The following EYS variants were observed in gnomAD, a reference collection of about 807,000 sequenced individuals.
EYS encodes the protein EGF-like photoreceptor maintenance factor.
EYS carries 250 observed loss-of-function variants against 282.1 expected under a neutral mutation model. The observed-to-expected ratio is 0.89, with a 90% confidence interval of 0.80 to 0.98. EYS has a LOEUF of 0.98. Ranked by LOEUF, EYS falls within the 50% of genes least tolerant of loss-of-function variation. The pLI is 0.00. For missense variants in EYS, 4,016 were observed against 3,709.0 expected (o/e 1.08, Z -2.15); for synonymous variants, 1,355 against 1,282.9 (o/e 1.06, Z -1.20).
intron 19 of EYS, among the ~76,000 whole-genome samples, chr6:64,834,345 T>C (rs1195992072): frequency 6.6e-6 from 1 of 151,902 alleles, no homozygotes; most frequent in African/African-American, 2.4e-5. Flanking sequence ...AGCTTCATAG[T>C]AAATTCATTT....
intron 13 of EYS, among the ~76,000 whole-genome samples, chr6:65,041,194 G>C (rs944510178): frequency 2.0e-5 from 3 of 151,672 alleles, no homozygotes; most frequent in Non-Finnish European, 4.4e-5. Flanking sequence ...AAGGAGAGAA[G>C]AAGAAAGGTA....
At chr6:64,428,941 G>C (rs1383458887) in intron 28 of EYS, among the ~76,000 whole-genome samples, 1 of 151,932 alleles carries the variant, frequency 6.6e-6, no homozygotes, top group Non-Finnish European at 1.5e-5. Flanking sequence ...GCTTCTTTTG[G>C]TAACATCTGC....
At chr6:65,370,020 A>G (rs1008373882) in intron 8 of EYS, among the ~76,000 whole-genome samples, 1 of 151,662 alleles carries the variant, frequency 6.6e-6, no homozygotes, top group African/African-American at 2.4e-5. Context: ...ATCAGAAGAT[A>G]TCTTTCACAG....
At chr6:64,790,018 C>CCTT (rs1308007918) in intron 22 of EYS, among the ~76,000 whole-genome samples, 2 of 151,656 alleles carry the variant, frequency 1.3e-5, no homozygotes, top group Admixed American at 6.6e-5. Context: ...ACAAATAAAT[C>CCTT]CTTATAAAAA....
At chr6:65,623,885 T>C (rs1311643456) in intron 2 of EYS, among the ~76,000 whole-genome samples, 3 of 152,190 alleles carry the variant, frequency 2.0e-5, no homozygotes, top group Non-Finnish European at 2.9e-5. Flanking sequence ...CTCACCTTTC[T>C]TGAACATAGG....
At chr6:65,352,896 C>T (rs1023477187) in intron 9 of EYS, among the ~76,000 whole-genome samples, 13 of 151,828 alleles carry the variant, frequency 8.6e-5, no homozygotes, top group Non-Finnish European at 1.6e-4. Flanking sequence ...TCAAAGAAGC[C>T]ATTTCTTCTA....
chr6:64,935,256 T>C (rs113576783), intron 15 of EYS, among the ~76,000 whole-genome samples: 5 of 151,768 alleles, frequency 3.3e-5, no homozygotes, highest in Middle Eastern at 3.4e-3. Context: ...AGAAGACATA[T>C]AGAAAACAAA....
intron 12 of EYS, among the ~76,000 whole-genome samples, chr6:65,225,545 C>T (rs922188463): frequency 1.3e-5 from 2 of 151,444 alleles, no homozygotes; most frequent in Non-Finnish European, 2.9e-5. Context: ...GAAACCCCAT[C>T]TCTGCTAAAA....
chr6:65,548,699 C>T (rs1232310684), intron 2 of EYS, among the ~76,000 whole-genome samples: 1 of 152,138 alleles, frequency 6.6e-6, no homozygotes, highest in Non-Finnish European at 1.5e-5. Context: ...TCCTTATGAA[C>T]TCACTTCAAT....
intron 31 of EYS, among the ~76,000 whole-genome samples, chr6:64,096,844 C>T (rs1455993013): frequency 6.6e-6 from 1 of 152,152 alleles, no homozygotes; most frequent in Non-Finnish European, 1.5e-5. Context: ...TTTAGAGTTT[C>T]CAGTTTTTCT....
In EYS at chr6:64,230,775, C is replaced by A; in HGVS notation, c.6241G>T (p.Asp2081Tyr). ...SPTASFVDAS[D>Y]VTQGVDTMWT... ...ATGGTATCAACCCCTTGTGTCACATCAGAAGCATCAACAAAGGAGGCTGTT... is the reference window on the plus strand; with the variant it reads ...ATGGTATCAACCCCTTGTGTCACATAAGAAGCATCAACAAAGGAGGCTGTT... Residue 2081 changes from aspartate (D) to tyrosine (Y), a missense_variant, in exon 31 of 43, where the codon GAT becomes TAT. Transcript: ENST00000503581. 6.4e-7 allele frequency: 1 copy of A among 1,551,320 alleles called. No homozygotes were observed. Among genetic ancestry groups the A allele is most frequent in the Non-Finnish European group, 8.7e-7 (1 of 1,146,732 alleles).
chr6:65,611,587 T>A (rs1214322841), intron 2 of EYS, among the ~76,000 whole-genome samples: 1 of 152,078 alleles, frequency 6.6e-6, no homozygotes, highest in East Asian at 1.9e-4. Context: ...TATTGATTGA[T>A]CAGAGACAGT....
intron 19 of EYS, among the ~76,000 whole-genome samples, chr6:64,870,197 T>A (rs1199904059): frequency 1.3e-5 from 2 of 151,548 alleles, no homozygotes; most frequent in Admixed American, 6.6e-5. Flanking sequence ...CAAAGAGAAT[T>A]GAAAGCCTGC....
At chr6:64,004,987 C>A (rs1009602202) in intron 33 of EYS, among the ~76,000 whole-genome samples, 1 of 151,984 alleles carries the variant, frequency 6.6e-6, no homozygotes, top group African/African-American at 2.4e-5. Context: ...TCCAATAATG[C>A]GATTACTGGG....
At chr6:65,376,323 C>T (rs529304433) in intron 8 of EYS, among the ~76,000 whole-genome samples, 12 of 152,078 alleles carry the variant, frequency 7.9e-5, no homozygotes, top group South Asian at 2.1e-4. Flanking sequence ...GACAAGCAAA[C>T]GCTGAAGGAT....
At chr6:63,928,915 G>A (rs1414050151) in intron 35 of EYS, among the ~76,000 whole-genome samples, 5 of 152,162 alleles carry the variant, frequency 3.3e-5, no homozygotes, top group African/African-American at 9.7e-5. Context: ...GTCTTTAAAC[G>A]AAGAGTTTCT....
chr6:64,832,409 CAG>C (rs1210866926), intron 19 of EYS, among the ~76,000 whole-genome samples: 1 of 151,770 alleles, frequency 6.6e-6, no homozygotes, highest in Non-Finnish European at 1.5e-5. Context: ...CTTATAGACA[CAG>C]ATAGTAGAAT....
chr6:64,757,237 CCTT>C (rs966470109), intron 22 of EYS, among the ~76,000 whole-genome samples: 4 of 152,118 alleles, frequency 2.6e-5, no homozygotes, highest in Non-Finnish European at 5.9e-5. Flanking sequence ...ATAGAGGAAT[CCTT>C]CTCCAACCTG....
In EYS at chr6:64,590,651, G is replaced by A; in HGVS notation, c.5216C>T (p.Pro1739Leu). The A allele has an allele frequency of 6.4e-7, 1 of 1,551,274 alleles. No individual in the cohort carries two copies. Residue 1739 changes from proline to leucine, a missense_variant, in exon 26 of 43, where the codon CCA (proline) becomes CTA (leucine). By Grantham distance (98) the Pro-to-Leu change is moderately conservative (BLOSUM62 -3). Coordinates refer to ENST00000503581, the MANE Select transcript of EYS (RefSeq NM_001142800.2). The part of the protein sequence containing the change: ...KGSHTLFKLH[P>L]SDSSLDFELN... ...CTCAAAATCCAGAGAACTATCACTT[G>A]GGTGAAGTTTGAACAGTGTATGAGA...
Sources: gnomAD v4.1 joint callset for allele counts (sites outside exome capture counted in the v4.1 genomes callset) on GRCh38, gnomAD v4.1.1 for gene constraint, MANE v1.5 for transcripts, NCBI Gene and HGNC (gene_info 2026-07-23, HGNC 2026-07-21) for gene names.